Variants in TMEM117 observed in about 807,000 individuals in gnomAD.
TMEM117 encodes transmembrane protein 117.
A neutral mutation model predicts 52.4 loss-of-function variants in TMEM117; 27 were observed. That is an observed-to-expected ratio of 0.51 (90% CI 0.38 to 0.71). The LOEUF is 0.71. TMEM117 is among the 30% of genes least tolerant of loss of function. TMEM117 has a pLI of 0.00. For missense variants in TMEM117, 556 were observed against 630.5 expected (o/e 0.88, Z 1.26); for synonymous variants, 215 against 206.3 (o/e 1.04, Z -0.36).
rs540269791 is a variant in TMEM117, at chr12:44,121,771, G to A, written c.411-21754G>A. On this transcript the variant is annotated intron_variant, in intron 3 of 7. Coordinates refer to ENST00000266534, the MANE Select transcript of TMEM117 (RefSeq NM_032256.3). Reference sequence around the variant, plus strand: ...TTGTTGTATGGGTAAGTTGTGTGTTGTGGCAGTTTGGTGTACAGGTTATTT... The same window carrying A: ...TTGTTGTATGGGTAAGTTGTGTGTTATGGCAGTTTGGTGTACAGGTTATTT... 1.2e-4 allele frequency among the ~76,000 whole-genome samples: 19 copies of A among 152,236 alleles called. No homozygotes were observed. The South Asian group carries it at 3.9e-3, about 32-fold the overall frequency.
chr12:43,953,004 A>G (rs566441716), intron 3 of TMEM117, among the ~76,000 whole-genome samples: 11 of 152,316 alleles, frequency 7.2e-5, no homozygotes, highest in African/African-American at 1.9e-4. Flanking sequence ...ATTCTTAAAG[A>G]AAAGAAATTC....
intron 5 of TMEM117, among the ~76,000 whole-genome samples, chr12:44,274,681 G>A (rs958834161): frequency 2.6e-5 from 4 of 151,926 alleles, no homozygotes; most frequent in African/African-American, 9.7e-5. Flanking sequence ...TTTAACAGAC[G>A]TGCCAGGAAC....
chr12:43,932,517 A>C (rs928973196), intron 2 of TMEM117, among the ~76,000 whole-genome samples: 1 of 152,116 alleles, frequency 6.6e-6, no homozygotes, highest in African/African-American at 2.4e-5. Context: ...AAAAGAAATA[A>C]TGATTGATAG....
chr12:43,955,710 T>G (rs1945295492), intron 3 of TMEM117, among the ~76,000 whole-genome samples: 1 of 152,210 alleles, frequency 6.6e-6, no homozygotes, highest in African/African-American at 2.4e-5. Flanking sequence ...ATGGCCATAC[T>G]GCCCAAAGCA....
chr12:44,378,351 TG>T (rs1951971716), intron 7 of TMEM117, among the ~76,000 whole-genome samples: 1 of 152,174 alleles, frequency 6.6e-6, no homozygotes. Context: ...CATTTATAGA[TG>T]GTACAGATTT....
chr12:44,180,827 C>A (rs1416872428), intron 4 of TMEM117, among the ~76,000 whole-genome samples: 25 of 151,962 alleles, frequency 1.6e-4, no homozygotes, highest in African/African-American at 6.0e-4. Context: ...GTGCATGTGT[C>A]TTTATAGCAG....
intron 2 of TMEM117, among the ~76,000 whole-genome samples, chr12:43,940,470 T>C (rs1461680564): frequency 1.3e-5 from 2 of 152,322 alleles, no homozygotes; most frequent in East Asian, 1.9e-4. Context: ...AGAAACCAAG[T>C]AGTTTCTCCA....
chr12:43,863,857 G>A (rs1397364769), intron 2 of TMEM117, among the ~76,000 whole-genome samples: 3 of 152,210 alleles, frequency 2.0e-5, no homozygotes, highest in Non-Finnish European at 4.4e-5. Context: ...TGGGCTGGCC[G>A]AGGCTGGAGC....
chr12:43,915,479 C>G (rs1944585737), intron 2 of TMEM117, among the ~76,000 whole-genome samples: 1 of 152,176 alleles, frequency 6.6e-6, no homozygotes, highest in African/African-American at 2.4e-5. Context: ...CCATAACTTT[C>G]CTTAATTTCA....
intron 6 of TMEM117, among the ~76,000 whole-genome samples, chr12:44,313,713 A>G (rs1386915661): frequency 6.6e-6 from 1 of 152,210 alleles, no homozygotes; most frequent in Non-Finnish European, 1.5e-5. Flanking sequence ...GGACGTTTTA[A>G]TGACATTAAT....
At chr12:44,185,189 A>T (rs1050481674) in intron 4 of TMEM117, among the ~76,000 whole-genome samples, 2 of 152,204 alleles carry the variant, frequency 1.3e-5, no homozygotes, top group African/African-American at 4.8e-5. Flanking sequence ...AAGAGCTGAC[A>T]TCTTTTCTTA....
chr12:44,073,363 C>T (rs1036603405), intron 3 of TMEM117: 1 of 152,086 alleles, frequency 6.6e-6, no homozygotes, highest in African/African-American at 2.4e-5. Context: ...GGGCAAGTTA[C>T]TTTGCCCCCA....
chr12:44,089,276 T>C (rs1226386544), intron 3 of TMEM117, among the ~76,000 whole-genome samples: 1 of 152,230 alleles, frequency 6.6e-6, no homozygotes, highest in African/African-American at 2.4e-5. Context: ...AGAAGAAATA[T>C]AATAAATGCT....
chr12:44,366,546 C>G (rs941097060), intron 6 of TMEM117, among the ~76,000 whole-genome samples: 2 of 152,078 alleles, frequency 1.3e-5, no homozygotes, highest in Non-Finnish European at 2.9e-5. Flanking sequence ...TCCTCTCTTA[C>G]ATGAGGATGG....
At chr12:44,158,732 T>C (rs1264829957) in intron 4 of TMEM117, among the ~76,000 whole-genome samples, 2 of 152,152 alleles carry the variant, frequency 1.3e-5, no homozygotes, top group Non-Finnish European at 2.9e-5. Context: ...CTAGAAACAT[T>C]ATTGCAAAAA....
At chr12:43,885,404 T>TTTTCC in intron 2 of TMEM117, among the ~76,000 whole-genome samples, 2 of 52,642 alleles carry the variant, frequency 3.8e-5, no homozygotes, top group Non-Finnish European at 1.5e-4. Context: ...CCCTATTTTC[T>TTTTCC]TTTTCTTTTC....
intron 6 of TMEM117, among the ~76,000 whole-genome samples, chr12:44,350,970 C>T (rs980448718): frequency 5.3e-5 from 8 of 152,064 alleles, no homozygotes; most frequent in African/African-American, 1.9e-4. Flanking sequence ...TACTACTTTA[C>T]ATTCCCACCA....
At chr12:43,975,722 C>A (rs1301408442) in intron 3 of TMEM117, among the ~76,000 whole-genome samples, 3 of 152,164 alleles carry the variant, frequency 2.0e-5, no homozygotes, top group Non-Finnish European at 4.4e-5. Flanking sequence ...TTAAAATAAA[C>A]TTTTATTCAC....
intron 3 of TMEM117, among the ~76,000 whole-genome samples, chr12:44,096,142 A>C (rs1399115920): frequency 3.3e-5 from 5 of 152,210 alleles, no homozygotes; most frequent in Non-Finnish European, 1.5e-5. Context: ...AATACCTAGG[A>C]ATCCAACTTA....
Sources: allele counts gnomAD v4.1 joint callset (sites outside exome capture counted in the v4.1 genomes callset), GRCh38; gene constraint gnomAD v4.1.1; transcripts MANE v1.5; gene names NCBI Gene and HGNC (gene_info 2026-07-23, HGNC 2026-07-21).